TRIO: variants seen among roughly 807,000 people sequenced by gnomAD.
TRIO encodes the protein trio Rho guanine nucleotide exchange factor.
Under a neutral mutation model 351.9 loss-of-function variants are expected in TRIO, and 58 were observed. That is an observed-to-expected ratio of 0.16 (90% confidence interval 0.13 to 0.21). The LOEUF (loss-of-function observed/expected upper bound fraction) is 0.21. Among genes scored for constraint, TRIO ranks in the 10% least tolerant of loss-of-function variants. The probability of loss-of-function intolerance (pLI) is 1.00; values close to 1 mark genes in which losing one functional copy is unlikely to be tolerated. For synonymous variants in TRIO, 1,758 were observed against 1,595.7 expected (o/e 1.10, Z -2.42); for missense variants, 3,201 against 4,027.8 (o/e 0.79, Z 5.56).
chr5:14,148,026 A>G (rs1007411251), intron 1 of TRIO, among the ~76,000 whole-genome samples: 4 of 152,252 alleles, frequency 2.6e-5, no homozygotes, highest in Middle Eastern at 3.2e-3. Context: ...GGAATCAAAG[A>G]AGTGCAGTAA....
chr5:14,323,659 A>G (rs987348316), intron 9 of TRIO, among the ~76,000 whole-genome samples: 1 of 152,228 alleles, frequency 6.6e-6, no homozygotes, highest in Non-Finnish European at 1.5e-5. Context: ...CTGGGGGTGA[A>G]TAATGCGGTC....
rs249809 is a variant in TRIO at position 14,479,645 on chromosome 5, A to G, written c.6244-274A>G. 0.95 allele frequency among the ~76,000 whole-genome samples: 143,950 copies of G among 152,064 alleles called. 68,323 individuals are homozygous for G. The highest frequency in any genetic ancestry group is 1 in the East Asian group (5,190 of 5,192). On this transcript the variant is annotated intron_variant, in intron 42 of 56. Transcript: ENST00000344204. The stretch of plus-strand genomic sequence containing the variant: ...GTCAGAATAATTATTATCTAAACTT[A>G]TAGCCTAAAAATAATATATATATTT...
At chr5:14,472,807 T>C (rs1488016716) in intron 39 of TRIO, 149 bp downstream of exon 39, 3 of 795,814 alleles carry the variant, frequency 3.8e-6, no homozygotes, top group African/African-American at 3.5e-5. Flanking sequence ...TTCCGAAAAA[T>C]TAAGTTTAGC....
intron 1 of TRIO, among the ~76,000 whole-genome samples, chr5:14,246,462 C>T (rs1271787718): frequency 6.6e-6 from 1 of 152,246 alleles, no homozygotes; most frequent in East Asian, 1.9e-4. Flanking sequence ...TCTGTCTCTG[C>T]TCTTGGTCGC....
chr5:14,472,789 C>T (rs754211963), intron 39 of TRIO, 131 bp downstream of exon 39: 9 of 959,096 alleles, frequency 9.4e-6, no homozygotes, highest in Admixed American at 3.0e-5. Context: ...AAGTGACCAA[C>T]GATGTATTTC....
intron 33 of TRIO, among the ~76,000 whole-genome samples, chr5:14,409,067 G>T (rs995961303): frequency 7.2e-5 from 11 of 152,206 alleles, no homozygotes; most frequent in African/African-American, 2.4e-4. Context: ...GGAGTCTCCA[G>T]TTCATTATTC....
At chr5:14,171,563 A>G (rs896841970) in intron 1 of TRIO, among the ~76,000 whole-genome samples, 3 of 152,250 alleles carry the variant, frequency 2.0e-5, no homozygotes, top group Admixed American at 2.0e-4. Flanking sequence ...GTTCTTATGT[A>G]GTCTTATCAC....
chr5:14,348,906 TG>T (rs1742723020), intron 11 of TRIO, among the ~76,000 whole-genome samples: 1 of 151,928 alleles, frequency 6.6e-6, no homozygotes, highest in Admixed American at 6.6e-5. Flanking sequence ...TGCATGTTTG[TG>T]TGTGTACGCA....
chr5:14,461,245 C>T lies in TRIO; in HGVS notation c.5430C>T (p.Ala1810=), dbSNP rs1204853943. The T allele has an allele frequency of 3.1e-6, 5 of 1,590,392 alleles. No homozygotes were observed. Among genetic ancestry groups the T allele is most frequent in the Middle Eastern group, 1.7e-4 (1 of 6,022 alleles). Residue 1810 remains alanine (A), a synonymous_variant, in exon 35 of 57, where the codon GCC becomes GCT. Coordinates refer to ENST00000344204, the MANE Select transcript of TRIO (RefSeq NM_007118.4). ...AGAGCCGCGAGGTCCGCAAGAGCGCCGACGCCGGCTCGCAGAAGGACTCCG... is the reference window on the plus strand; with the variant it reads ...AGAGCCGCGAGGTCCGCAAGAGCGCTGACGCCGGCTCGCAGAAGGACTCCG... ...HKKSREVRKS[A]DAGSQKDSDD...
chr5:14,189,481 T>A (rs887038629), intron 1 of TRIO, among the ~76,000 whole-genome samples: 1 of 152,208 alleles, frequency 6.6e-6, no homozygotes, highest in African/African-American at 2.4e-5. Flanking sequence ...CAAATACAAA[T>A]AACAGCAGTT....
intron 3 of TRIO, among the ~76,000 whole-genome samples, chr5:14,284,954 A>G (rs1207844179): frequency 6.6e-6 from 1 of 152,084 alleles, no homozygotes; most frequent in Non-Finnish European, 1.5e-5. Flanking sequence ...CAGTGCCTCC[A>G]GGGCCCTGGA....
At chr5:14,309,772 A>G (rs1455123176) in intron 8 of TRIO, among the ~76,000 whole-genome samples, 4 of 152,180 alleles carry the variant, frequency 2.6e-5, no homozygotes, top group African/African-American at 9.7e-5. Flanking sequence ...ATGTGGGGTT[A>G]GGAGTACTTA....
rs1330852840 is a variant in TRIO, at chr5:14,304,551, C to T, written c.1459C>T (p.His487Tyr). ...LQDLEDAIHHHQGIYEHITLA... is the reference protein window; with the variant it reads ...LQDLEDAIHHYQGIYEHITLA... ...GGACCTAGAAGATGCCATTCATCAC[C>T]ACCAGGGAATATATGAACATATCAC... The change falls in exon 8 of 57, where the codon CAC (histidine) becomes TAC (tyrosine). Residue 487 changes from histidine to tyrosine, a missense_variant. By Grantham distance (83) the His-to-Tyr change is moderately conservative. Around this residue, in one of 19 missense-constraint regions of TRIO, gnomAD observed 349 missense variants for 449.3 expected, o/e 0.78. Coordinates refer to ENST00000344204, the MANE Select transcript of TRIO (RefSeq NM_007118.4). 6.2e-7 allele frequency: 1 copy of T among 1,614,024 alleles called. No homozygotes were observed. Among genetic ancestry groups the T allele is most frequent in the South Asian group, 1.1e-5 (1 of 91,072 alleles).
intron 53 of TRIO, among the ~76,000 whole-genome samples, chr5:14,499,715 T>C (rs1391746719): frequency 6.7e-6 from 1 of 148,850 alleles, no homozygotes; most frequent in African/African-American, 2.5e-5. Flanking sequence ...CACAGGTGAT[T>C]TTTTTTTTTT....
At chr5:14,336,216 G>A (rs1355176343) in intron 10 of TRIO, among the ~76,000 whole-genome samples, 5 of 152,138 alleles carry the variant, frequency 3.3e-5, no homozygotes, top group East Asian at 1.9e-4. Flanking sequence ...GCTGGGGGCC[G>A]TCTCCTGACT....
chr5:14,233,141 T>C (rs1793554271), intron 1 of TRIO, among the ~76,000 whole-genome samples: 1 of 151,848 alleles, frequency 6.6e-6, no homozygotes, highest in African/African-American at 2.4e-5. Context: ...AGATACCTAG[T>C]TCAGGGGATA....
chr5:14,178,948 C>T (rs944833582), intron 1 of TRIO, among the ~76,000 whole-genome samples: 1 of 152,146 alleles, frequency 6.6e-6, no homozygotes, highest in East Asian at 1.9e-4. Context: ...GTGACTTGAG[C>T]CATGAATCAG....
intron 4 of TRIO, 77 bp from the exon 5 acceptor site, chr5:14,290,639 G>T: frequency 7.0e-7 from 1 of 1,424,366 alleles, no homozygotes; most frequent in South Asian, 1.4e-5. Context: ...ACCTGTGACT[G>T]AGCATTGCAA....
rs1263686686 is a variant in TRIO at position 14,462,802 on chromosome 5, C to T, written c.5544C>T (p.Ser1848=). The T allele has an allele frequency of 1.2e-6, 2 of 1,614,228 alleles. No homozygotes were observed. Among genetic ancestry groups the T allele is most frequent in the South Asian group, 1.1e-5 (1 of 91,082 alleles). Residue 1848 remains serine, a synonymous_variant, in exon 36 of 57, where the codon TCC becomes TCT. Transcript: ENST00000344204. The part of the protein sequence containing the change: ...GLSSGTLSKS[S]SSGMQSCGEE... ...GCAGCGGTACTCTCTCCAAATCCTC[C>T]TCCTCGGGGATGCAGAGCTGTGGAG...
Sources: allele counts gnomAD v4.1 joint callset (sites outside exome capture counted in the v4.1 genomes callset), GRCh38; gene constraint gnomAD v4.1.1; regional missense constraint gnomAD v4.1.1; transcripts MANE v1.5; gene names NCBI Gene and HGNC (gene_info 2026-07-23, HGNC 2026-07-21).